The following ERICH3 variants were observed in gnomAD, a reference collection of about 807,000 sequenced individuals.
ERICH3 encodes the protein glutamate-rich protein 3.
In ERICH3, 126 loss-of-function variants were observed where a neutral mutation model predicts 131.1. That is an observed-to-expected ratio of 0.96 (90% CI 0.83 to 1.11). ERICH3 has a LOEUF of 1.11. Ranked by LOEUF, ERICH3 falls within the 50% of genes most tolerant of loss-of-function variation. The probability of loss-of-function intolerance (pLI) is 0.00; values close to 1 mark genes in which losing one functional copy is unlikely to be tolerated. For synonymous variants in ERICH3, 695 were observed against 644.6 expected (o/e 1.08, Z -1.18); for missense variants, 2,050 against 1,810.7 (o/e 1.13, Z -2.40).
rs751137713 is a variant in ERICH3 at position 74,606,908 on chromosome 1, A to G, written c.1188-6T>C. 6.2e-7 allele frequency: 1 copy of G among 1,606,248 alleles called. No individual in the cohort carries two copies. The highest frequency in any genetic ancestry group is 1.1e-5 in the South Asian group (1 of 89,612). ...GGCCCATTGCAATAATGCACCTATG[A>G]AAAATATTAGCAGGAAGTGTTTGTT... On this transcript the variant is annotated splice_polypyrimidine_tract_variant and splice_region_variant and intron_variant, in intron 9 of 14. Transcript: ENST00000326665.
chr1:74,664,266 A>G (rs1445466103), intron 1 of ERICH3, among the ~76,000 whole-genome samples: 1 of 151,636 alleles, frequency 6.6e-6, no homozygotes, highest in African/African-American at 2.4e-5. Flanking sequence ...TTTCTGCTCA[A>G]AGTAAAAAAT....
At chr1:74,634,997 C>G (rs1027567993) in intron 6 of ERICH3, 72 of 303,602 alleles carry the variant, frequency 2.4e-4, no homozygotes, top group Admixed American at 5.0e-5. Context: ...CTTCTATAAG[C>G]CTTGACTATG....
intron 1 of ERICH3, among the ~76,000 whole-genome samples, chr1:74,658,308 C>A (rs1646604815): frequency 6.6e-6 from 1 of 152,130 alleles, no homozygotes; most frequent in South Asian, 2.1e-4. Flanking sequence ...AAGATTTGTT[C>A]AAAACACATG....
rs1411537502 is a variant in ERICH3, at chr1:74,573,472, CA to C, written c.2237del (p.Met746ArgfsTer43). The C allele has an allele frequency of 1.1e-5, 17 of 1,516,558 alleles. No individual in the cohort carries two copies. Among genetic ancestry groups the C allele is most frequent in the Non-Finnish European group, 1.3e-5 (15 of 1,136,320 alleles). 93.9% of individuals were successfully genotyped at this position (1,516,558 alleles called of 1,614,324 possible). A position where few individuals can be genotyped will look rare whatever the true frequency, so the allele number is the denominator to read the frequency against. Reference protein sequence around the residue: ...LALGAPTMNFMVDETAAINSN... With the variant: ...LALGAPTMNFXVDETAAINSN... ...AGTTGATTGCTGCTGTTTCATCCAC[CA>C]TGAAATTCATTGTTGGTGCTATAAA... On this transcript the variant is annotated frameshift_variant, in exon 14 of 15. Coordinates refer to ENST00000326665, the MANE Select transcript of ERICH3 (RefSeq NM_001002912.5). LOFTEE classifies it high-confidence loss of function.
chr1:74,673,574 G>T lies in ERICH3; in HGVS notation c.-55C>A. Reference sequence around the variant, plus strand: ...CAGGTGCGGAGGGTGGGTGCGTGGGGCCCCGTGCGCGCTGGCGCTGCGACA... The same window carrying T: ...CAGGTGCGGAGGGTGGGTGCGTGGGTCCCCGTGCGCGCTGGCGCTGCGACA... On this transcript the variant is annotated 5_prime_UTR_variant, in exon 1 of 15. Coordinates refer to ENST00000326665, the MANE Select transcript of ERICH3 (RefSeq NM_001002912.5). The T allele has an allele frequency of 6.3e-7, 1 of 1,589,514 alleles. No individual in the cohort carries two copies. The highest frequency in any genetic ancestry group is 8.6e-7 in the Non-Finnish European group (1 of 1,166,730).
chr1:74,597,245 T>C (rs1464607979), intron 11 of ERICH3, among the ~76,000 whole-genome samples: 2 of 152,014 alleles, frequency 1.3e-5, no homozygotes, highest in African/African-American at 4.8e-5. Flanking sequence ...GACATGTTTA[T>C]GCCTTGAATA....
chr1:74,618,297 C>T (rs1649067609), intron 8 of ERICH3, among the ~76,000 whole-genome samples: 1 of 151,896 alleles, frequency 6.6e-6, no homozygotes, highest in Non-Finnish European at 1.5e-5. Context: ...AATCTGAGTC[C>T]TAAAAGATGG....
chr1:74,641,835 G>A (rs906420467), intron 4 of ERICH3, among the ~76,000 whole-genome samples: 25 of 152,086 alleles, frequency 1.6e-4, no homozygotes, highest in African/African-American at 2.4e-5. Flanking sequence ...TTAAAAAAAT[G>A]AGAGCTAAAA....
At chr1:74,583,629 T>C (rs1299498184) in intron 12 of ERICH3, among the ~76,000 whole-genome samples, 1 of 152,068 alleles carries the variant, frequency 6.6e-6, no homozygotes, top group Non-Finnish European at 1.5e-5. Flanking sequence ...TCTGAGGGGT[T>C]TGGGCAGTAG....
intron 11 of ERICH3, among the ~76,000 whole-genome samples, chr1:74,596,713 A>G (rs566533892): frequency 6.6e-6 from 1 of 152,170 alleles, no homozygotes; most frequent in South Asian, 2.1e-4. Context: ...ATGACAATAT[A>G]TTTTCAACTG....
chr1:74,672,148 G>A (rs1397817477), intron 1 of ERICH3, among the ~76,000 whole-genome samples: 1 of 152,104 alleles, frequency 6.6e-6, no homozygotes, highest in Non-Finnish European at 1.5e-5. Flanking sequence ...ATTCTAACTA[G>A]CCAAAAACTT....
rs1179992136 is a variant in ERICH3 at position 74,569,335 on chromosome 1, T to C, written c.*1123A>G. ...AAAATCACTGCTTAAGGAAATTTTT[T>C]TTACCTTCTCATATAGAGAAATGGT... On this transcript the variant is annotated 3_prime_UTR_variant, in exon 15 of 15. Coordinates refer to ENST00000326665, the MANE Select transcript of ERICH3 (RefSeq NM_001002912.5). 1 of 152,186 alleles carries C rather than the reference T, an allele frequency of 6.6e-6. No individual in the cohort carries two copies. Among genetic ancestry groups the C allele is most frequent in the African/African-American group, 2.4e-5 (1 of 41,438 alleles). The allele number at this position is 152,186 out of a possible 1,614,324, so 9.4% of individuals were successfully genotyped here. A position where few individuals can be genotyped will look rare whatever the true frequency, so the allele number is the denominator to read the frequency against.
At chr1:74,667,669 C>T (rs372133463) in intron 1 of ERICH3, among the ~76,000 whole-genome samples, 75 of 152,222 alleles carry the variant, frequency 4.9e-4, no homozygotes, top group African/African-American at 1.3e-3. Context: ...TCCCTAAAAA[C>T]CTAGCATGGA....
intron 1 of ERICH3, among the ~76,000 whole-genome samples, chr1:74,669,262 A>G (rs555080234): frequency 7.2e-5 from 11 of 152,284 alleles, no homozygotes; most frequent in African/African-American, 2.6e-4. Context: ...CTAACAAAAA[A>G]TGCTTCTAAA....
At chr1:74,620,661 A>G (rs1649172852) in intron 8 of ERICH3, 73 bp downstream of exon 8, 5 of 1,284,848 alleles carry the variant, frequency 3.9e-6, no homozygotes, top group African/African-American at 1.5e-5. Context: ...AGTCATTTTG[A>G]TATTATATCA....
intron 1 of ERICH3, among the ~76,000 whole-genome samples, chr1:74,656,254 T>C (rs1466921508): frequency 6.6e-6 from 1 of 152,148 alleles, no homozygotes; most frequent in Non-Finnish European, 1.5e-5. Flanking sequence ...TCACTGTTCA[T>C]TGTGAGAATA....
At chr1:74,630,502 C>T (rs918613362) in intron 7 of ERICH3, among the ~76,000 whole-genome samples, 1 of 152,136 alleles carries the variant, frequency 6.6e-6, no homozygotes. Context: ...CTGAGCTGTT[C>T]CTCCACTCTG....
At chr1:74,610,561 A>C (rs1356949922) in intron 9 of ERICH3, among the ~76,000 whole-genome samples, 1 of 151,164 alleles carries the variant, frequency 6.6e-6, no homozygotes, top group African/African-American at 2.4e-5. Context: ...TTATTCTCTA[A>C]AGTATTCAAT....
rs957201723 is a variant in ERICH3, at chr1:74,569,945, T to C, written c.*513A>G. ...ATTTGGAGCAATCTTGAGTTTTGAG[T>C]GTACGTGGGAGGAAATTTAGAGCTC... On this transcript the variant is annotated 3_prime_UTR_variant, in exon 15 of 15. Transcript: ENST00000326665. The C allele has an allele frequency of 1.3e-4, 20 of 152,160 alleles. No individual in the cohort carries two copies. The highest frequency in any genetic ancestry group is 4.8e-4 in the African/African-American group (20 of 41,436). 9.4% of individuals were successfully genotyped at this position (152,160 alleles called of 1,614,324 possible).
Sources: allele counts gnomAD v4.1 joint callset (sites outside exome capture counted in the v4.1 genomes callset), GRCh38; gene constraint gnomAD v4.1.1; transcripts MANE v1.5; gene names NCBI Gene and HGNC (gene_info 2026-07-23, HGNC 2026-07-21).